ACSL3: variants seen among roughly 807,000 people sequenced by gnomAD.
ACSL3 encodes fatty acid CoA ligase Acsl3.
A neutral mutation model predicts 84.7 loss-of-function variants in ACSL3; 34 were observed. The ratio of observed to expected loss-of-function variants is 0.40; its 90% CI spans 0.31 to 0.53. The LOEUF (loss-of-function observed/expected upper bound fraction) is 0.53, where lower values mean the gene tolerates loss of function less well. Ranked by LOEUF, ACSL3 falls within the 20% of genes least tolerant of loss-of-function variation. ACSL3 has a pLI of 0.48. For synonymous variants in ACSL3, 315 were observed against 299.4 expected, an observed-to-expected ratio of 1.05 and a Z score of -0.54; for missense variants, 680 against 873.1, an observed-to-expected ratio of 0.78 and a Z score of 2.79.
rs549815055 is a variant in ACSL3, at chr2:222,942,902, G to T, written c.*1248G>T. On this transcript the variant is annotated 3_prime_UTR_variant, in exon 17 of 17. Coordinates refer to ENST00000357430, the MANE Select transcript of ACSL3 (RefSeq NM_004457.5). ...TATTTGTAATTCAGAAACCTTGCTTGTGTGATACATAGTCTCTTCATTTAT... is the reference window on the plus strand; with the variant it reads ...TATTTGTAATTCAGAAACCTTGCTTTTGTGATACATAGTCTCTTCATTTAT... 700 of 127,754 alleles carry T rather than the reference G, an allele frequency of 5.5e-3. 5 individuals are homozygous for T. Among genetic ancestry groups the T allele is most frequent in the Non-Finnish European group, 7.1e-3 (544 of 77,016 alleles). 7.9% of individuals were successfully genotyped at this position (127,754 alleles called of 1,614,324 possible).
chr2:222,874,672 C>A (rs1425466676), intron 1 of ACSL3, among the ~76,000 whole-genome samples: 11 of 148,490 alleles, frequency 7.4e-5, no homozygotes, highest in African/African-American at 2.5e-4. Flanking sequence ...GAGACCCTGT[C>A]TGAAAAAAAA....
chr2:222,866,319 G>C (rs1292765875), intron 1 of ACSL3, among the ~76,000 whole-genome samples: 5 of 151,944 alleles, frequency 3.3e-5, no homozygotes, highest in Admixed American at 3.3e-4. Flanking sequence ...CTAATTTTTT[G>C]TATTTTCGGT....
At chr2:222,862,072 TTAAAATTA>T (rs1337128161) in intron 1 of ACSL3, among the ~76,000 whole-genome samples, 2 of 152,202 alleles carry the variant, frequency 1.3e-5, no homozygotes, top group Non-Finnish European at 2.9e-5. Context: ...AGGAATGTCT[TTAAAATTA>T]TATGGAAGCT....
chr2:222,899,320 C>T (rs1234396337), intron 2 of ACSL3, among the ~76,000 whole-genome samples: 1 of 150,896 alleles, frequency 6.6e-6, no homozygotes, highest in Non-Finnish European at 1.5e-5. Context: ...CTAAAAAATA[C>T]AAAAATTAGC....
Position 222,927,346 on chromosome 2 carries a change from A to G in ACSL3, c.1465+157A>G, listed in dbSNP as rs1211502791. ...ACTATGATCATTGATATCAATTTTT[A>G]GAATGTATTAGATGCATCTGGAGTC... On this transcript the variant is annotated intron_variant, in intron 12 of 16. Transcript: ENST00000357430. 2.0e-5 allele frequency among the ~76,000 whole-genome samples: 3 copies of G among 152,318 alleles called. No individual in the cohort carries two copies. The South Asian group carries it at 6.2e-4, about 32-fold the overall frequency.
chr2:222,870,103 GTT>G (rs60071249), intron 1 of ACSL3, among the ~76,000 whole-genome samples: 1,637 of 140,352 alleles, frequency 0.012, 19 homozygotes, highest in African/African-American at 0.026. Context: ...TGGACTTCTG[GTT>G]TTTTTTTTTT....
intron 1 of ACSL3, among the ~76,000 whole-genome samples, chr2:222,863,370 A>G (rs1574509167): frequency 6.6e-6 from 1 of 152,336 alleles, no homozygotes; most frequent in East Asian, 1.9e-4. Flanking sequence ...GAGTTTGGGA[A>G]GTTGTCAGCA....
rs1197161616 is a variant in ACSL3, at chr2:222,919,050, T to C, written c.667-14T>C. 3.7e-6 allele frequency: 6 copies of C among 1,612,208 alleles called. No individual in the cohort carries two copies. In the African/African-American group the frequency reaches 5.3e-5, roughly 14 times the overall value. Reference sequence around the variant, plus strand: ...GAAAAATAATGAACGTGATGAATGTTGGTGTATTTCTAGGATATAGTTTCT... The same window carrying C: ...GAAAAATAATGAACGTGATGAATGTCGGTGTATTTCTAGGATATAGTTTCT... On this transcript the variant is annotated splice_polypyrimidine_tract_variant and intron_variant, in intron 6 of 16. Transcript: ENST00000357430.
Position 222,920,971 on chromosome 2 carries a change from G to A in ACSL3, c.806-309G>A, listed in dbSNP as rs1242853369. On this transcript the variant is annotated intron_variant, in intron 7 of 16. Coordinates refer to ENST00000357430, the MANE Select transcript of ACSL3 (RefSeq NM_004457.5). ...CCTTCCTCACTTTATTCAGGCCTTT[G>A]CTAAACGAAACTCTACAGAGACGGT... The A allele has an allele frequency of 6.0e-6, 3 of 503,036 alleles. No homozygotes were observed. In the Admixed American group the frequency reaches 6.9e-5, roughly 12 times the overall value. 31.2% of individuals were successfully genotyped at this position (503,036 alleles called of 1,614,324 possible). A position where few individuals can be genotyped will look rare whatever the true frequency, so the allele number is the denominator to read the frequency against.
chr2:222,903,970 T>C (rs1006254958), intron 3 of ACSL3, among the ~76,000 whole-genome samples: 3 of 152,196 alleles, frequency 2.0e-5, no homozygotes, highest in Non-Finnish European at 4.4e-5. Context: ...TAATAAACTT[T>C]TACCATTAAA....
rs958368270 is a variant in ACSL3, at chr2:222,926,403, AT to A, written c.1293-603del. On this transcript the variant is annotated intron_variant, in intron 11 of 16. Transcript: ENST00000357430. The stretch of plus-strand genomic sequence containing the variant: ...CGTGTAGTCTTCACCTTTTGCAAAG[AT>A]TTTTTTTTTTAAGTACTACCTCTCC... 6.1e-3 allele frequency among the ~76,000 whole-genome samples: 900 copies of A among 148,474 alleles called. 12 individuals carry two copies. The highest frequency in any genetic ancestry group is 0.02 in the African/African-American group (818 of 40,656).
chr2:222,941,118 C>A (rs1697293852), intron 16 of ACSL3, among the ~76,000 whole-genome samples: 1 of 152,040 alleles, frequency 6.6e-6, no homozygotes, highest in South Asian at 2.1e-4. Context: ...ATTTTAGAGA[C>A]AAGGTCTCGC....
chr2:222,866,430 G>T (rs1383421479), intron 1 of ACSL3, among the ~76,000 whole-genome samples: 1 of 152,116 alleles, frequency 6.6e-6, no homozygotes, highest in Non-Finnish European at 1.5e-5. Context: ...CAGGCTGGGA[G>T]CTACTGCGCT....
intron 2 of ACSL3, among the ~76,000 whole-genome samples, chr2:222,890,144 A>G (rs1695810393): frequency 6.6e-6 from 1 of 152,160 alleles, no homozygotes. Context: ...TATTCTGTAT[A>G]TTTCCACAAC....
At chr2:222,876,746 A>G (rs540285036) in intron 1 of ACSL3, among the ~76,000 whole-genome samples, 17 of 152,278 alleles carry the variant, frequency 1.1e-4, no homozygotes, top group African/African-American at 4.1e-4. Context: ...GATTCTAGGA[A>G]AGCAGAGAAA....
intron 1 of ACSL3, among the ~76,000 whole-genome samples, chr2:222,865,794 CTGTGTGTG>C (rs3219912): frequency 2.6e-4 from 39 of 150,002 alleles, no homozygotes; most frequent in Non-Finnish European, 3.3e-4. Context: ...TTTGGATCCT[CTGTGTGTG>C]TGTGTGTGTG....
At chr2:222,880,831 C>CAAA (rs34509695) in intron 1 of ACSL3, among the ~76,000 whole-genome samples, 4 of 75,688 alleles carry the variant, frequency 5.3e-5, no homozygotes, top group African/African-American at 9.0e-5. Flanking sequence ...CTCTGTCTCC[C>CAAA]AAAAAAAAAA....
chr2:222,883,096 T>A (rs1695631767), intron 1 of ACSL3, among the ~76,000 whole-genome samples: 1 of 151,872 alleles, frequency 6.6e-6, no homozygotes, highest in Non-Finnish European at 1.5e-5. Context: ...AGTACCTCCT[T>A]TTATTCTGAT....
rs187775365 is a variant in ACSL3 at position 222,923,859 on chromosome 2, T to C, written c.1153-597T>C. 4.1e-3 allele frequency among the ~76,000 whole-genome samples: 624 copies of C among 152,312 alleles called. 2 individuals carry two copies. The highest frequency in any genetic ancestry group is 0.02 in the Middle Eastern group (6 of 294). On this transcript the variant is annotated intron_variant, in intron 10 of 16. Coordinates refer to ENST00000357430, the MANE Select transcript of ACSL3 (RefSeq NM_004457.5). ...ATTCTTAGTTCACTTAAAAATGACGTACAATTTAAAGTTGTGGAGGAAACA... is the reference window on the plus strand; with the variant it reads ...ATTCTTAGTTCACTTAAAAATGACGCACAATTTAAAGTTGTGGAGGAAACA...
Sources: allele counts gnomAD v4.1 joint callset (sites outside exome capture counted in the v4.1 genomes callset), GRCh38; gene constraint gnomAD v4.1.1; transcripts MANE v1.5; gene names NCBI Gene and HGNC (gene_info 2026-07-23, HGNC 2026-07-21).